The following TRIM23 variants were observed in gnomAD, a reference collection of about 807,000 sequenced individuals.
TRIM23 encodes the protein E3 ubiquitin-protein ligase TRIM23.
Under a neutral mutation model 71.0 loss-of-function variants are expected in TRIM23, and 27 were observed. The ratio of observed to expected loss-of-function variants is 0.38; its 90% CI spans 0.28 to 0.52. The LOEUF (loss-of-function observed/expected upper bound fraction) is 0.52, where lower values mean the gene tolerates loss of function less well. Ranked by LOEUF, TRIM23 falls within the 20% of genes least tolerant of loss-of-function variation. The probability of loss-of-function intolerance (pLI) is 0.84; values close to 1 mark genes in which losing one functional copy is unlikely to be tolerated. For synonymous variants in TRIM23, 234 were observed against 238.0 expected, an observed-to-expected ratio of 0.98 and a Z score of 0.16; for missense variants, 482 against 692.3, an observed-to-expected ratio of 0.70 and a Z score of 3.41.
At chr5:65,622,596 T>C (rs2150646212) in intron 1 of TRIM23, among the ~76,000 whole-genome samples, 1 of 152,370 alleles carries the variant, frequency 6.6e-6, no homozygotes, top group East Asian at 1.9e-4. Context: ...ACTTCAACTT[T>C]TACCTTCCAA....
At position 65,611,828 on chromosome 5, in the gene TRIM23, A is replaced by T. The variant is rs80051180; in HGVS notation, c.420T>A (p.Thr140=). ...DEAHLASVYC[T]VCATHLCSEC... ...CAGAGCACAAATGAGTTGCACACAC[A>T]GTGCAATATACAGAGGCAAGGTGAG... Residue 140 remains threonine, a synonymous_variant, in exon 4 of 11, where the codon ACT becomes ACA. Transcript: ENST00000231524. The T allele has an allele frequency of 1.2e-3, 1,880 of 1,614,088 alleles. 18 individuals are homozygous for T. In the African/African-American group the frequency reaches 0.023, roughly 20 times the overall value.
Position 65,590,576 on chromosome 5 carries a change from T to G in TRIM23, c.*1193A>C. 1 of 1,051,842 alleles carries G rather than the reference T, an allele frequency of 9.5e-7. No individual in the cohort carries two copies. Among genetic ancestry groups the G allele is most frequent in the Non-Finnish European group, 1.2e-6 (1 of 864,046 alleles). 65.2% of individuals were successfully genotyped at this position (1,051,842 alleles called of 1,614,324 possible). A position where few individuals can be genotyped will look rare whatever the true frequency, so the allele number is the denominator to read the frequency against. On this transcript the variant is annotated 3_prime_UTR_variant, in exon 11 of 11. Transcript: ENST00000231524. ...AAAAAAAAAGTCTCAATGTACCTAT[T>G]TAAATAAATCGTGCTTCCATAATAA... is the stretch of plus-strand genomic sequence containing the variant.
chr5:65,610,164 C>T (rs928099809), intron 5 of TRIM23, among the ~76,000 whole-genome samples: 1 of 152,236 alleles, frequency 6.6e-6, no homozygotes, highest in African/African-American at 2.4e-5. Flanking sequence ...CCATAAACAT[C>T]TCTAGTATTT....
chr5:65,613,786 T>C, intron 3 of TRIM23: 1 of 1,280,162 alleles, frequency 7.8e-7, no homozygotes, highest in Non-Finnish European at 1.0e-6. Context: ...TCCTCTTCTC[T>C]ACTGTTGCTT....
rs1371771062 is a variant in TRIM23 at position 65,597,084 on chromosome 5, GTTTTAACTTAAACAAGATA to G, written c.1257_1275del (p.Ile420ArgfsTer18). The G allele has an allele frequency of 6.2e-7, 1 of 1,613,970 alleles. No individual in the cohort carries two copies. The highest frequency in any genetic ancestry group is 1.3e-5 in the African/African-American group (1 of 74,896). On this transcript the variant is annotated frameshift_variant, in exon 8 of 11. Transcript: ENST00000231524. LOFTEE classifies it high-confidence loss of function. ...GGAATGGGCTGCATGAATTCATCCTGTTTTAACTTAAACAAGATAGTAGTTTTTCCAGCACCATCCAATC... is the reference window on the plus strand; with the variant it reads ...GGAATGGGCTGCATGAATTCATCCTGGTAGTTTTTCCAGCACCATCCAATC...
rs754622718 is a variant in TRIM23 at position 65,611,660 on chromosome 5, T to A, written c.588A>T (p.Gln196His). Residue 196 changes from glutamine to histidine, a missense_variant, in exon 4 of 11, where the codon CAA (glutamine) becomes CAT (histidine). Around this residue, in one of 2 missense-constraint regions of TRIM23, gnomAD observed 307 missense variants for 495.8 expected, o/e 0.62. Transcript: ENST00000231524. ...IEFVCLEEGCQTSPLMCCVCK... is the reference protein window; with the variant it reads ...IEFVCLEEGCHTSPLMCCVCK... ...AGACACAGCACATGAGTGGGCTAGT[T>A]TGACAACCTTCTTCCAAGCAAACAA... The A allele has an allele frequency of 6.2e-7, 1 of 1,614,100 alleles. No homozygotes were observed. Among genetic ancestry groups the A allele is most frequent in the African/African-American group, 1.3e-5 (1 of 74,940 alleles).
intron 1 of TRIM23, among the ~76,000 whole-genome samples, chr5:65,622,510 C>A (rs2150646147): frequency 6.6e-6 from 1 of 152,298 alleles, no homozygotes; most frequent in African/African-American, 2.4e-5. Context: ...TTACTGTTTT[C>A]TCTAATGATA....
chr5:65,598,569 G>C (rs1754272036), intron 7 of TRIM23, among the ~76,000 whole-genome samples: 2 of 152,170 alleles, frequency 1.3e-5, no homozygotes, highest in Non-Finnish European at 2.9e-5. Context: ...GACCAACATA[G>C]AGAAACCCCG....
At chr5:65,596,378 A>T in intron 9 of TRIM23, 43 bp downstream of exon 9, 1 of 1,362,456 alleles carries the variant, frequency 7.3e-7, no homozygotes, top group Non-Finnish European at 1.0e-6. Flanking sequence ...GAAAACTGTC[A>T]TCCTAAAAAT....
chr5:65,606,164 C>G (rs1204363404), intron 6 of TRIM23, among the ~76,000 whole-genome samples: 2 of 152,156 alleles, frequency 1.3e-5, no homozygotes, highest in Non-Finnish European at 1.5e-5. Flanking sequence ...TGAAGTCCAC[C>G]CAAGGATGGT....
Position 65,591,646 on chromosome 5 carries a change from T to TAC in TRIM23, c.*122_*123insGT. 4.9e-6 allele frequency: 2 copies of TAC among 405,576 alleles called. No homozygotes were observed. The highest frequency in any genetic ancestry group is 8.7e-5 in the African/African-American group (1 of 11,476). 25.1% of individuals were successfully genotyped at this position (405,576 alleles called of 1,614,324 possible). ...CTGAATTCCCAATCCAAGATTCCTT[T>TAC]ATATATATATATATATATATGCATC... On this transcript the variant is annotated 3_prime_UTR_variant, in exon 11 of 11. Coordinates refer to ENST00000231524, the MANE Select transcript of TRIM23 (RefSeq NM_001656.4).
intron 6 of TRIM23, among the ~76,000 whole-genome samples, chr5:65,607,343 G>A (rs1174458672): frequency 1.3e-5 from 2 of 152,120 alleles, no homozygotes; most frequent in Non-Finnish European, 2.9e-5. Context: ...ATCTCATCTC[G>A]AATTGTAATC....
rs1312763235 is a variant in TRIM23, at chr5:65,614,092, C to T, written c.366+6G>A. On this transcript the variant is annotated splice_donor_region_variant and intron_variant, in intron 3 of 10. Transcript: ENST00000231524. ...TAACAAATATTTCACCAAGTATGAT[C>T]AATACCTCTCCAGATATCCCAATGG... 1.3e-5 allele frequency: 21 copies of T among 1,612,452 alleles called. No homozygotes were observed. The highest frequency in any genetic ancestry group is 1.6e-5 in the Non-Finnish European group (19 of 1,179,526).
chr5:65,610,122 T>C (rs1581185688), intron 5 of TRIM23, among the ~76,000 whole-genome samples: 1 of 152,364 alleles, frequency 6.6e-6, no homozygotes, highest in East Asian at 1.9e-4. Context: ...CATTGACTTG[T>C]GTCCACTCTC....
At chr5:65,599,950 G>C (rs1754315652) in intron 7 of TRIM23, among the ~76,000 whole-genome samples, 1 of 152,168 alleles carries the variant, frequency 6.6e-6, no homozygotes, top group Non-Finnish European at 1.5e-5. Context: ...GGCAGTACAG[G>C]AAGCATGATG....
intron 1 of TRIM23, 87 bp downstream of exon 1, chr5:65,624,107 A>AG: frequency 6.5e-7 from 1 of 1,546,422 alleles, no homozygotes; most frequent in Non-Finnish European, 8.9e-7. Flanking sequence ...CACCTATCGA[A>AG]GCCTGGGCCG....
intron 7 of TRIM23, among the ~76,000 whole-genome samples, chr5:65,600,146 G>T (rs546420887): frequency 6.6e-6 from 1 of 152,232 alleles, no homozygotes; most frequent in East Asian, 1.9e-4. Context: ...AGTACCAAGG[G>T]GGATGATACT....
chr5:65,624,082 A>C (rs1050221677), intron 1 of TRIM23, 112 bp downstream of exon 1: 1 of 1,287,090 alleles, frequency 7.8e-7, no homozygotes, highest in African/African-American at 1.5e-5. Flanking sequence ...AAAGGGGCCC[A>C]GAGGCCGCGC....
intron 7 of TRIM23, among the ~76,000 whole-genome samples, chr5:65,601,653 C>T (rs1754366784): frequency 6.6e-6 from 1 of 152,172 alleles, no homozygotes; most frequent in Admixed American, 6.5e-5. Flanking sequence ...GCATATCATT[C>T]TGCCCCTCGC....
Sources: gnomAD v4.1 joint callset for allele counts (sites outside exome capture counted in the v4.1 genomes callset) on GRCh38, gnomAD v4.1.1 for gene constraint, gnomAD v4.1.1 regional missense constraint, MANE v1.5 for transcripts, NCBI Gene and HGNC (gene_info 2026-07-23, HGNC 2026-07-21) for gene names.